CEP63: variants seen among roughly 807,000 people sequenced by gnomAD.
CEP63 encodes centrosomal protein 63, also known as centrosomal protein of 63 kDa.
A neutral mutation model predicts 89.1 loss-of-function variants in CEP63; 84 were observed. The observed-to-expected ratio is 0.94, with a 90% CI of 0.79 to 1.13. The LOEUF (loss-of-function observed/expected upper bound fraction) is 1.13, where lower values mean the gene tolerates loss of function less well. Among genes scored for constraint, CEP63 ranks in the 50% most tolerant of loss-of-function variants. CEP63 has a pLI of 0.00. For missense variants in CEP63, 838 were observed against 813.3 expected (o/e 1.03, Z -0.37); for synonymous variants, 267 against 272.5 (o/e 0.98, Z 0.20).
chr3:134,526,318 T>G (rs73221342), intron 3 of CEP63, among the ~76,000 whole-genome samples: 1 of 151,850 alleles, frequency 6.6e-6, no homozygotes, highest in Admixed American at 6.6e-5. Context: ...CTATTTTGTC[T>G]GTCAGTGACT....
At chr3:134,560,583 T>C (rs1288078710) in intron 14 of CEP63, among the ~76,000 whole-genome samples, 1 of 151,698 alleles carries the variant, frequency 6.6e-6, no homozygotes, top group Non-Finnish European at 1.5e-5. Context: ...GGATAGAGTC[T>C]GAATCCCAGC....
chr3:134,678,791 C>T, the CEP63 span, among the ~76,000 whole-genome samples: 8 of 152,212 alleles, frequency 5.3e-5, no homozygotes, highest in Admixed American at 5.2e-4. Flanking sequence ...GCTCTGCCTG[C>T]ATCCCATGCT....
At chr3:134,776,729 G>A in the CEP63 span, among the ~76,000 whole-genome samples, 1 of 152,202 alleles carries the variant, frequency 6.6e-6, no homozygotes, top group Non-Finnish European at 1.5e-5. Context: ...TGGAGGTCCT[G>A]TCCAATGGGT....
chr3:134,561,648 T>C lies in CEP63; in HGVS notation c.*113T>C, dbSNP rs1474472121. On this transcript the variant is annotated 3_prime_UTR_variant, in exon 15 of 15. Transcript: ENST00000675561. ...GAGATAAAATTATAAAAATGATACATCTAAAGCAGTGGTGAAGAAAGCTGA... is the reference window on the plus strand; with the variant it reads ...GAGATAAAATTATAAAAATGATACACCTAAAGCAGTGGTGAAGAAAGCTGA... The C allele has an allele frequency of 1.3e-6, 2 of 1,512,270 alleles. No individual in the cohort carries two copies. The highest frequency in any genetic ancestry group is 1.4e-5 in the African/African-American group (1 of 71,210). 93.7% of individuals were successfully genotyped at this position (1,512,270 alleles called of 1,614,324 possible).
chr3:134,491,136 G>A (rs1442191490), intron 1 of CEP63, among the ~76,000 whole-genome samples: 2 of 152,158 alleles, frequency 1.3e-5, no homozygotes, highest in South Asian at 4.1e-4. Flanking sequence ...CAGTTGTTAG[G>A]TATTACCAAA....
chr3:134,524,080 A>T (rs560408446), intron 3 of CEP63, among the ~76,000 whole-genome samples: 109 of 151,402 alleles, frequency 7.2e-4, no homozygotes, highest in Middle Eastern at 3.4e-3. Context: ...AGTGTTGTAT[A>T]TTTTTTCTAT....
chr3:134,584,728 G>T (rs1322581709), intron 10 of CEP63, among the ~76,000 whole-genome samples: 1 of 152,034 alleles, frequency 6.6e-6, no homozygotes, highest in Non-Finnish European at 1.5e-5. Context: ...TTTTTCTATT[G>T]ATTGGAATAG....
chr3:134,671,059 G>A, the CEP63 span, among the ~76,000 whole-genome samples: 1 of 152,126 alleles, frequency 6.6e-6, no homozygotes, highest in Non-Finnish European at 1.5e-5. Context: ...TTTCCTCTGG[G>A]GCGGAAGGGA....
intron 1 of CEP63, among the ~76,000 whole-genome samples, chr3:134,488,351 C>A (rs1272936201): frequency 6.6e-6 from 1 of 152,122 alleles, no homozygotes; most frequent in Non-Finnish European, 1.5e-5. Flanking sequence ...CGGTGACTCA[C>A]GCCTGTAATC....
chr3:134,651,500 A>G, the CEP63 span: 1 of 999,392 alleles, frequency 1.0e-6, no homozygotes, highest in Non-Finnish European at 1.2e-6. Context: ...TTGAATTGCA[A>G]GATGTGCAGA....
chr3:134,734,991 C>A, the CEP63 span, among the ~76,000 whole-genome samples: 1 of 152,106 alleles, frequency 6.6e-6, no homozygotes, highest in African/African-American at 2.4e-5. Context: ...CTTGGCAGAA[C>A]CTACCTTATC....
chr3:134,571,711 AAAAGATAC>A (rs1489175393), intron 11 of CEP63, among the ~76,000 whole-genome samples: 1 of 152,164 alleles, frequency 6.6e-6, no homozygotes, highest in Non-Finnish European at 1.5e-5. Flanking sequence ...CAACAACAAC[AAAAGATAC>A]AAAGCATTAA....
intron 1 of CEP63, among the ~76,000 whole-genome samples, chr3:134,491,654 TG>T (rs2107911722): frequency 6.6e-6 from 1 of 152,364 alleles, no homozygotes; most frequent in East Asian, 1.9e-4. Flanking sequence ...CCTTATTTAC[TG>T]GTATCAGTTT....
intron 5 of CEP63, chr3:134,535,720 T>G (rs1363243806): frequency 6.6e-6 from 1 of 152,182 alleles, no homozygotes; most frequent in Non-Finnish European, 1.5e-5. Flanking sequence ...GTCTTTCTCT[T>G]CCTCATCTCC....
intron 3 of CEP63, among the ~76,000 whole-genome samples, chr3:134,517,864 AT>A (rs1406129888): frequency 2.6e-5 from 4 of 152,196 alleles, no homozygotes; most frequent in African/African-American, 9.6e-5. Context: ...GCTGAAAATC[AT>A]TGAGGTATTG....
At chr3:134,507,329 G>A in intron 3 of CEP63, 43 bp downstream of exon 3, 1 of 1,404,974 alleles carries the variant, frequency 7.1e-7, no homozygotes, top group Non-Finnish European at 1.0e-6. Flanking sequence ...TTTTTATCTT[G>A]TCTTTTATAT....
chr3:134,569,790 C>T (rs1423547233), downstream of CEP63, among the ~76,000 whole-genome samples: 7 of 152,212 alleles, frequency 4.6e-5, no homozygotes, highest in South Asian at 4.1e-4. Flanking sequence ...ATTTCCCTTT[C>T]GCACTGCCCT....
At chr3:134,655,551 T>TGAC in the CEP63 span, among the ~76,000 whole-genome samples, 3 of 152,124 alleles carry the variant, frequency 2.0e-5, no homozygotes, top group Admixed American at 6.5e-5. Flanking sequence ...CTACCCAAGG[T>TGAC]CTCACATGTG....
the CEP63 span, among the ~76,000 whole-genome samples, chr3:134,742,543 C>T: frequency 6.6e-6 from 1 of 152,188 alleles, no homozygotes; most frequent in African/African-American, 2.4e-5. Context: ...TCCCTTCTTT[C>T]TCATTTGTAG....
Sources: gnomAD v4.1 joint callset for allele counts (sites outside exome capture counted in the v4.1 genomes callset) on GRCh38, gnomAD v4.1.1 for gene constraint, MANE v1.5 for transcripts, NCBI Gene and HGNC (gene_info 2026-07-23, HGNC 2026-07-21) for gene names.